Variants in MTUS1 observed in about 807,000 individuals in gnomAD.
The protein encoded by MTUS1 is microtubule associated scaffold protein 1, also known as microtubule-associated tumor suppressor 1.
Under a neutral mutation model 120.8 loss-of-function variants are expected in MTUS1, and 109 were observed. The observed-to-expected ratio is 0.90, with a 90% confidence interval of 0.77 to 1.06. The LOEUF (loss-of-function observed/expected upper bound fraction) is 1.06, where lower values mean the gene tolerates loss of function less well. Ranked by LOEUF, MTUS1 falls within the 50% of genes least tolerant of loss-of-function variation. MTUS1 has a pLI of 0.00. For synonymous variants in MTUS1, 737 were observed against 550.5 expected (o/e 1.34, Z -4.74); for missense variants, 2,210 against 1,486.3 (o/e 1.49, Z -8.01).
At chr8:17,785,271 G>A (rs2051210933) in intron 1 of MTUS1, among the ~76,000 whole-genome samples, 2 of 152,016 alleles carry the variant, frequency 1.3e-5, no homozygotes, top group African/African-American at 4.8e-5. Flanking sequence ...AACTGCAAAG[G>A]TAGAAGCGAC....
chr8:17,647,066 G>C lies in MTUS1; in HGVS notation c.3515C>G (p.Thr1172Arg). The change falls in exon 14 of 15, where the codon ACA (threonine) becomes AGA (arginine). Residue 1172 changes from threonine to arginine, a missense_variant. Transcript: ENST00000693296. Reference sequence around the variant, plus strand: ...ACGCTTCAATTTGTCAACCAATGCTGTGTTGTTGTCCACCTTGGCATAAAC... The same window carrying C: ...ACGCTTCAATTTGTCAACCAATGCTCTGTTGTTGTCCACCTTGGCATAAAC... Reference protein sequence around the residue: ...MKMEKLVDNNTALVDKLKRFQ... With the variant: ...MKMEKLVDNNRALVDKLKRFQ... 6.2e-7 allele frequency: 1 copy of C among 1,613,614 alleles called. No individual in the cohort carries two copies.
chr8:17,775,240 G>A (rs79588644), intron 1 of MTUS1, among the ~76,000 whole-genome samples: 2,177 of 152,098 alleles, frequency 0.014, 55 homozygotes, highest in African/African-American at 0.049. Context: ...GGTTGAAAAC[G>A]TAAATTTCAT....
intron 6 of MTUS1, among the ~76,000 whole-genome samples, chr8:17,694,268 C>G (rs900956706): frequency 6.6e-6 from 1 of 152,122 alleles, no homozygotes; most frequent in South Asian, 2.1e-4. Flanking sequence ...AATGCCTGGA[C>G]TAGGGTAATG....
chr8:17,775,268 A>G (rs1044963756), intron 1 of MTUS1, among the ~76,000 whole-genome samples: 8 of 152,270 alleles, frequency 5.3e-5, no homozygotes, highest in South Asian at 2.1e-4. Context: ...ATATTTTACC[A>G]TAATTTTTTT....
intron 6 of MTUS1, among the ~76,000 whole-genome samples, chr8:17,710,169 G>C (rs1450373819): frequency 6.6e-6 from 1 of 152,144 alleles, no homozygotes; most frequent in Non-Finnish European, 1.5e-5. Flanking sequence ...GAAGGTTTGG[G>C]TGGCTGTGGC....
chr8:17,724,382 A>C (rs1434660112), intron 3 of MTUS1, among the ~76,000 whole-genome samples: 1 of 152,204 alleles, frequency 6.6e-6, no homozygotes, highest in Non-Finnish European at 1.5e-5. Flanking sequence ...CCTGAGTGGA[A>C]AATTTTAAAA....
At chr8:17,715,996 A>C (rs1822255021) in intron 4 of MTUS1, 95 bp from the exon 5 acceptor site, 107 of 1,123,094 alleles carry the variant, frequency 9.5e-5, no homozygotes, top group Middle Eastern at 2.9e-4. Flanking sequence ...ACAAATGCTC[A>C]ATAAGCACCT....
chr8:17,725,388 G>A (rs2046157764), intron 3 of MTUS1, among the ~76,000 whole-genome samples: 1 of 152,116 alleles, frequency 6.6e-6, no homozygotes, highest in African/African-American at 2.4e-5. Flanking sequence ...CCCTCCTTCG[G>A]CTCCAGCCTC....
At chr8:17,760,432 T>C (rs1191328075) in intron 1 of MTUS1, among the ~76,000 whole-genome samples, 2 of 152,090 alleles carry the variant, frequency 1.3e-5, no homozygotes, top group South Asian at 2.1e-4. Context: ...TCCAGCAAGA[T>C]GGAAGATCAA....
chr8:17,646,679 C>G (rs11203882), intron 14 of MTUS1, among the ~76,000 whole-genome samples: 1 of 152,150 alleles, frequency 6.6e-6, no homozygotes, highest in Non-Finnish European at 1.5e-5. Flanking sequence ...TTTATGACTA[C>G]CTTATGTTGC....
intron 8 of MTUS1, among the ~76,000 whole-genome samples, chr8:17,669,238 T>G (rs1044857904): frequency 1.3e-5 from 2 of 152,144 alleles, no homozygotes; most frequent in Admixed American, 1.3e-4. Context: ...GAAATTCAAT[T>G]GAAGATATTT....
At chr8:17,663,761 A>G (rs990039264) in intron 8 of MTUS1, among the ~76,000 whole-genome samples, 2 of 151,914 alleles carry the variant, frequency 1.3e-5, no homozygotes, top group African/African-American at 2.4e-5. Flanking sequence ...ATACCCGGCT[A>G]ATTTTTGTAT....
chr8:17,754,723 G>C lies in MTUS1; in HGVS notation c.1085C>G (p.Ala362Gly), dbSNP rs1052882617. 1 of 1,614,206 alleles carries C rather than the reference G, an allele frequency of 6.2e-7. No homozygotes were observed. Among genetic ancestry groups the C allele is most frequent in the Non-Finnish European group, 8.5e-7 (1 of 1,180,038 alleles). Residue 362 changes from alanine (A) to glycine (G), a missense_variant, in exon 2 of 15, where the codon GCT becomes GGT. Ala to Gly is a moderately conservative substitution (Grantham distance 60, BLOSUM62 0). Transcript: ENST00000693296. ...TTTATGCTCTGGGTTCAGCACTTGA[G>C]CTTCGCTCTTATCAAAAGCTGGCAC... ...LMVPAFDKSE[A>G]QVLNPEHKVT...
intron 3 of MTUS1, among the ~76,000 whole-genome samples, chr8:17,739,053 G>A (rs143390081): frequency 0.011 from 1,729 of 152,024 alleles, 12 homozygotes; most frequent in South Asian, 0.028. Flanking sequence ...TGAGACAGGA[G>A]GATTTCTTGA....
chr8:17,725,450 G>T (rs556457232), intron 3 of MTUS1, among the ~76,000 whole-genome samples: 1 of 152,092 alleles, frequency 6.6e-6, no homozygotes, highest in Admixed American at 6.5e-5. Flanking sequence ...GATTAACCTC[G>T]CTTTCTCTCT....
At chr8:17,662,611 C>G (rs1809998586) in intron 8 of MTUS1, among the ~76,000 whole-genome samples, 2 of 151,914 alleles carry the variant, frequency 1.3e-5, no homozygotes, top group African/African-American at 4.8e-5. Flanking sequence ...ACCTCAGCAT[C>G]CCAAAGTGCT....
chr8:17,698,830 C>G (rs1297733365), intron 6 of MTUS1, among the ~76,000 whole-genome samples: 1 of 152,106 alleles, frequency 6.6e-6, no homozygotes, highest in Non-Finnish European at 1.5e-5. Flanking sequence ...AAAGATACAC[C>G]TAGTTCATAC....
chr8:17,779,353 A>T (rs1184053053), intron 1 of MTUS1, among the ~76,000 whole-genome samples: 1 of 152,214 alleles, frequency 6.6e-6, no homozygotes, highest in Non-Finnish European at 1.5e-5. Flanking sequence ...GATTTCAGGG[A>T]CCATCAAGGA....
chr8:17,646,700 C>T (rs974145293), intron 14 of MTUS1, among the ~76,000 whole-genome samples: 1 of 152,142 alleles, frequency 6.6e-6, no homozygotes, highest in Non-Finnish European at 1.5e-5. Flanking sequence ...AGGCTGTTTT[C>T]TATTTGGTTT....
Sources: allele counts gnomAD v4.1 joint callset (sites outside exome capture counted in the v4.1 genomes callset), GRCh38; gene constraint gnomAD v4.1.1; transcripts MANE v1.5; gene names NCBI Gene and HGNC (gene_info 2026-07-23, HGNC 2026-07-21).